COL24A1: variants seen among roughly 807,000 people sequenced by gnomAD.
The protein encoded by COL24A1 is collagen alpha-1(XXIV) chain.
In COL24A1, 224 loss-of-function variants were observed where a neutral mutation model predicts 253.9. That is an observed-to-expected ratio of 0.88 (90% CI 0.79 to 0.99). The LOEUF (loss-of-function observed/expected upper bound fraction) is 0.99. COL24A1 is among the 50% of genes least tolerant of loss of function. The pLI, the probability that COL24A1 is intolerant of heterozygous loss-of-function variation, is 0.00. For synonymous variants in COL24A1, 685 were observed against 673.7 expected (o/e 1.02, Z -0.26); for missense variants, 2,131 against 2,068.5 (o/e 1.03, Z -0.59).
chr1:86,049,507 T>C (rs548103438), intron 11 of COL24A1, among the ~76,000 whole-genome samples: 32 of 152,256 alleles, frequency 2.1e-4, no homozygotes, highest in African/African-American at 6.0e-4. Flanking sequence ...AATTCTACTG[T>C]TTTCAATTAA....
chr1:86,049,835 A>C (rs1700173274), intron 11 of COL24A1, among the ~76,000 whole-genome samples: 2 of 152,154 alleles, frequency 1.3e-5, no homozygotes, highest in African/African-American at 4.8e-5. Context: ...ATTCATTATA[A>C]TGAATTACAA....
intron 47 of COL24A1, among the ~76,000 whole-genome samples, chr1:85,792,602 G>C (rs986004697): frequency 7.3e-5 from 11 of 151,648 alleles, no homozygotes; most frequent in African/African-American, 2.7e-4. Context: ...TAGCTGCTTG[G>C]GAAGCTGAGG....
chr1:85,739,201 C>T (rs1310063909), intron 57 of COL24A1, among the ~76,000 whole-genome samples: 1 of 152,162 alleles, frequency 6.6e-6, no homozygotes, highest in African/African-American at 2.4e-5. Flanking sequence ...TCTTCTTTCA[C>T]CTTCTCTTGT....
chr1:85,766,784 A>T (rs898068508), intron 53 of COL24A1, among the ~76,000 whole-genome samples: 19 of 152,176 alleles, frequency 1.2e-4, no homozygotes, highest in African/African-American at 4.3e-4. Flanking sequence ...TTCATAGTTT[A>T]ATAAATTTTC....
intron 45 of COL24A1, 142 bp downstream of exon 45, chr1:85,823,394 C>G: frequency 1.4e-6 from 1 of 702,828 alleles, no homozygotes; most frequent in South Asian, 2.1e-5. Context: ...TTGAAAAACA[C>G]CCTACTTAGA....
chr1:86,119,246 C>A (rs1483200673), intron 3 of COL24A1, among the ~76,000 whole-genome samples: 1 of 152,160 alleles, frequency 6.6e-6, no homozygotes, highest in Admixed American at 6.5e-5. Flanking sequence ...CTGCCCAATA[C>A]TGAGAAACTT....
chr1:85,800,350 A>C (rs939617556), intron 47 of COL24A1, among the ~76,000 whole-genome samples: 2 of 152,168 alleles, frequency 1.3e-5, no homozygotes, highest in Non-Finnish European at 2.9e-5. Context: ...CAGGAACGTC[A>C]ATCCTATTCC....
rs548122321 is a variant in COL24A1 at position 85,757,422 on chromosome 1, A to T, written c.4437+3974T>A. Among the ~76,000 whole-genome samples the T allele has an allele frequency of 4.1e-4, 63 of 152,290 alleles. 1 individual carries two copies. In the South Asian group the frequency reaches 5.2e-3, roughly 13 times the overall value. ...GATGAATAAATCACAGGATATTCTTAGTTGGCAACACTATGATTTTCTGTG... is the reference window on the plus strand; with the variant it reads ...GATGAATAAATCACAGGATATTCTTTGTTGGCAACACTATGATTTTCTGTG... On this transcript the variant is annotated intron_variant, in intron 55 of 59. Coordinates refer to ENST00000370571, the MANE Select transcript of COL24A1 (RefSeq NM_152890.7).
chr1:86,097,582 C>CCTT (rs1557610587), intron 5 of COL24A1, among the ~76,000 whole-genome samples: 1 of 1,642 alleles, frequency 6.1e-4, no homozygotes, highest in Non-Finnish European at 2.4e-3. Flanking sequence ...CCTCCTCCCC[C>CCTT]CTCCTCCTCC....
intron 7 of COL24A1, among the ~76,000 whole-genome samples, chr1:86,072,502 T>G (rs1400987274): frequency 1.3e-5 from 2 of 152,132 alleles, no homozygotes. Flanking sequence ...CAGGGACTTA[T>G]AGATAAAACT....
chr1:86,018,677 TCC>T (rs1697218144), intron 18 of COL24A1, among the ~76,000 whole-genome samples: 1 of 152,224 alleles, frequency 6.6e-6, no homozygotes, highest in East Asian at 1.9e-4. Context: ...ATTGCAAATT[TCC>T]TATGAATGTC....
intron 1 of COL24A1, 38 bp downstream of exon 1, chr1:86,156,303 G>A: frequency 6.3e-7 from 1 of 1,593,278 alleles, no homozygotes; most frequent in South Asian, 1.1e-5. Flanking sequence ...AGAGGGGTTG[G>A]TCTAACCCCT....
chr1:85,858,621 C>CTCCTTCCTTCCTTCCTTCTTTCCTTCTT (rs1553201491), intron 37 of COL24A1, among the ~76,000 whole-genome samples: 2 of 113,270 alleles, frequency 1.8e-5, no homozygotes, highest in Non-Finnish European at 3.8e-5. Flanking sequence ...TATTTTCTCC[C>CTCCTTCCTTCCTTCCTTCTTTCCTTCTT]TCCTTCCTTC....
intron 19 of COL24A1, among the ~76,000 whole-genome samples, chr1:86,006,156 A>G (rs1255705081): frequency 6.6e-6 from 1 of 152,198 alleles, no homozygotes. Flanking sequence ...GATACTGACA[A>G]ACAGATTCTA....
chr1:85,926,135 A>C (rs1265822490), intron 24 of COL24A1, among the ~76,000 whole-genome samples: 1 of 152,234 alleles, frequency 6.6e-6, no homozygotes, highest in Admixed American at 6.5e-5. Flanking sequence ...ATACCAGCTC[A>C]CCCCAGTTAG....
chr1:85,861,952 T>G (rs1475844235), intron 37 of COL24A1, among the ~76,000 whole-genome samples: 1 of 152,198 alleles, frequency 6.6e-6, no homozygotes, highest in East Asian at 1.9e-4. Flanking sequence ...CTGCTTCATC[T>G]ATCTTGAAGG....
At chr1:86,000,529 A>C (rs190545991) in intron 19 of COL24A1, among the ~76,000 whole-genome samples, 3 of 152,328 alleles carry the variant, frequency 2.0e-5, no homozygotes, top group South Asian at 4.1e-4. Flanking sequence ...AAAGAAGTAA[A>C]TTGTTTAGGC....
intron 19 of COL24A1, among the ~76,000 whole-genome samples, chr1:86,013,026 G>A (rs1240853774): frequency 6.6e-6 from 1 of 152,114 alleles, no homozygotes; most frequent in Non-Finnish European, 1.5e-5. Flanking sequence ...TGTTTTACAT[G>A]TATTAATGTG....
intron 43 of COL24A1, among the ~76,000 whole-genome samples, chr1:85,827,736 T>C (rs1674577806): frequency 2.0e-5 from 3 of 152,034 alleles, no homozygotes; most frequent in Admixed American, 1.3e-4. Flanking sequence ...TATTCTCTGA[T>C]GGTAGTTTGT....
Sources: gnomAD v4.1 joint callset for allele counts (sites outside exome capture counted in the v4.1 genomes callset) on GRCh38, gnomAD v4.1.1 for gene constraint, MANE v1.5 for transcripts, NCBI Gene and HGNC (gene_info 2026-07-23, HGNC 2026-07-21) for gene names.